PCDHGA3: variants seen among roughly 807,000 people sequenced by gnomAD.
The protein encoded by PCDHGA3 is protocadherin gamma subfamily A, 3.
A neutral mutation model predicts 58.5 loss-of-function variants in PCDHGA3; 40 were observed. The observed-to-expected ratio is 0.68, with a 90% CI of 0.53 to 0.89. PCDHGA3 has a LOEUF of 0.89. Ranked by LOEUF, PCDHGA3 falls within the 40% of genes least tolerant of loss-of-function variation. PCDHGA3 has a pLI of 0.00. For missense variants in PCDHGA3, 1,223 were observed against 1,195.9 expected (o/e 1.02, Z -0.33); for synonymous variants, 530 against 525.7 (o/e 1.01, Z -0.11).
chr5:141,451,428 G>T (rs552096051), intron 1 of PCDHGA3, among the ~76,000 whole-genome samples: 17 of 152,166 alleles, frequency 1.1e-4, no homozygotes, highest in Non-Finnish European at 2.1e-4. Context: ...TTAGACTAAG[G>T]GTTCCAGTTC....
At chr5:141,457,432 C>G (rs982456249) in intron 1 of PCDHGA3, among the ~76,000 whole-genome samples, 1 of 152,172 alleles carries the variant, frequency 6.6e-6, no homozygotes, top group Non-Finnish European at 1.5e-5. Context: ...TCCCCCCCAC[C>G]AAGCTGCAGA....
chr5:141,432,366 A>T lies in PCDHGA3; in HGVS notation c.2425-62441A>T. The T allele has an allele frequency of 6.2e-7, 1 of 1,614,204 alleles. No homozygotes were observed. Among genetic ancestry groups the T allele is most frequent in the Non-Finnish European group, 8.5e-7 (1 of 1,180,034 alleles). On this transcript the variant is annotated intron_variant, in intron 1 of 3. Coordinates refer to ENST00000253812, the MANE Select transcript of PCDHGA3 (RefSeq NM_018916.4). This position sits in a 1 kb window ranked among gnomAD's most constrained non-coding sequence, Gnocchi z 6.0. Reference sequence around the variant, plus strand: ...TTGCAAGTGAAAGTGATGGCGCGGGACAACGGGCACCCGCCCCTCAGCAGC... The same window carrying T: ...TTGCAAGTGAAAGTGATGGCGCGGGTCAACGGGCACCCGCCCCTCAGCAGC...
intron 1 of PCDHGA3, among the ~76,000 whole-genome samples, chr5:141,456,288 G>A (rs371687260): frequency 1.4e-3 from 217 of 152,226 alleles, no homozygotes; most frequent in Middle Eastern, 6.8e-3. Context: ...GAAAAGGGGC[G>A]TCTAATGGAG....
chr5:141,357,502 C>A (rs1760632616), intron 1 of PCDHGA3: 1 of 1,614,264 alleles, frequency 6.2e-7, no homozygotes, highest in African/African-American at 1.3e-5. Context: ...GAAGAGTCAC[C>A]TGATCTTCTC....
chr5:141,460,128 T>C (rs10051366), intron 1 of PCDHGA3, among the ~76,000 whole-genome samples: 42,386 of 151,808 alleles, frequency 0.28, 6,635 homozygotes, highest in African/African-American at 0.43. Context: ...ATATGTAATA[T>C]ATATATTCTT....
chr5:141,351,254 G>A, intron 1 of PCDHGA3: 2 of 1,614,020 alleles, frequency 1.2e-6, no homozygotes, highest in Non-Finnish European at 1.7e-6. Context: ...TGTTCAAATA[G>A]AAATTGTTGA....
intron 2 of PCDHGA3, among the ~76,000 whole-genome samples, chr5:141,495,587 C>T (rs1391263118): frequency 6.6e-6 from 1 of 152,238 alleles, no homozygotes. Context: ...TTCTCCATCT[C>T]TGTCTTAGCT....
At chr5:141,447,829 T>A (rs2098552664) in intron 1 of PCDHGA3, among the ~76,000 whole-genome samples, 1 of 152,214 alleles carries the variant, frequency 6.6e-6, no homozygotes. Context: ...CTCACGCCTG[T>A]AATCCCAGTG....
rs780910092 is a variant in PCDHGA3 at position 141,344,127 on chromosome 5, C to G, written c.94C>G (p.Arg32Gly). The change falls in exon 1 of 4, where the codon CGC (arginine) becomes GGC (glycine). Residue 32 changes from arginine to glycine, a missense_variant. Coordinates refer to ENST00000253812, the MANE Select transcript of PCDHGA3 (RefSeq NM_018916.4). ...GTGCGAAACAGGATCCGGTCAGATCCGCTACTCGGTGTCTGAGGAGCTAGA... is the reference window on the plus strand; with the variant it reads ...GTGCGAAACAGGATCCGGTCAGATCGGCTACTCGGTGTCTGAGGAGCTAGA... ...TLCETGSGQI[R>G]YSVSEELDKG... 2 of 1,613,904 alleles carry G rather than the reference C, an allele frequency of 1.2e-6. No homozygotes were observed. The highest frequency in any genetic ancestry group is 8.5e-7 in the Non-Finnish European group (1 of 1,179,896).
chr5:141,380,086 G>T (rs1776198648), intron 1 of PCDHGA3, among the ~76,000 whole-genome samples: 1 of 151,828 alleles, frequency 6.6e-6, no homozygotes. Flanking sequence ...TTTTAGTAGA[G>T]ATGGGGTTTT....
At chr5:141,413,661 T>G (rs2095664313) in intron 1 of PCDHGA3, 1 of 1,613,886 alleles carries the variant, frequency 6.2e-7, no homozygotes. Flanking sequence ...CGGAAGCTAT[T>G]GATCCGGATG....
intron 2 of PCDHGA3, among the ~76,000 whole-genome samples, chr5:141,497,487 T>TCTCTCTCTC (rs1223198472): frequency 1.3e-5 from 2 of 151,562 alleles, no homozygotes; most frequent in Non-Finnish European, 2.9e-5. Flanking sequence ...GCGGAACCTC[T>TCTCTCTCTC]CTCTCTCTCC....
chr5:141,404,411 G>A, intron 1 of PCDHGA3: 1 of 1,613,854 alleles, frequency 6.2e-7, no homozygotes, highest in Non-Finnish European at 8.5e-7. Flanking sequence ...GAATTCTAGA[G>A]TTATTTACTC....
At chr5:141,481,531 G>A (rs1342825952) in intron 1 of PCDHGA3, among the ~76,000 whole-genome samples, 2 of 152,206 alleles carry the variant, frequency 1.3e-5, no homozygotes, top group African/African-American at 4.8e-5. Context: ...AAAATCTAGA[G>A]ATGGGGCTGG....
intron 1 of PCDHGA3, chr5:141,399,104 A>G (rs561995889): frequency 6.2e-7 from 1 of 1,613,860 alleles, no homozygotes; most frequent in South Asian, 1.1e-5. Context: ...CTGGTTGCAC[A>G]ATGTACAGTT....
chr5:141,449,681 G>A (rs2098651836), intron 1 of PCDHGA3, among the ~76,000 whole-genome samples: 1 of 149,394 alleles, frequency 6.7e-6, no homozygotes, highest in Non-Finnish European at 1.5e-5. Context: ...ATGTATATAT[G>A]TTTGTGTGTA....
At chr5:141,366,052 C>G in intron 1 of PCDHGA3, 4 of 1,614,248 alleles carry the variant, frequency 2.5e-6, no homozygotes, top group Non-Finnish European at 3.4e-6. Flanking sequence ...GTTCCACGGG[C>G]GTGGAGCTGG....
chr5:141,390,999 A>C (rs982856270), intron 1 of PCDHGA3: 23 of 152,216 alleles, frequency 1.5e-4, no homozygotes, highest in African/African-American at 5.6e-4. Context: ...ATTCAAGCTC[A>C]TTCTATATCC....
At chr5:141,456,309 A>T (rs1305324857) in intron 1 of PCDHGA3, among the ~76,000 whole-genome samples, 1 of 152,138 alleles carries the variant, frequency 6.6e-6, no homozygotes, top group Non-Finnish European at 1.5e-5. Flanking sequence ...AACAGCAGCT[A>T]GGGCTCCTCC....
Sources: allele counts gnomAD v4.1 joint callset (sites outside exome capture counted in the v4.1 genomes callset), GRCh38; gene constraint gnomAD v4.1.1; non-coding constraint Gnocchi (gnomAD v3.1); transcripts MANE v1.5; gene names NCBI Gene and HGNC (gene_info 2026-07-23, HGNC 2026-07-21).